KCNH5: variants seen among roughly 807,000 people sequenced by gnomAD.
KCNH5 encodes voltage-gated delayed rectifier potassium channel KCNH5.
KCNH5 carries 46 observed loss-of-function variants against 96.1 expected under a neutral mutation model. That is an observed-to-expected ratio of 0.48 (90% CI 0.38 to 0.61). The LOEUF is 0.61. Among genes scored for constraint, KCNH5 ranks in the 20% least tolerant of loss-of-function variants. The probability of loss-of-function intolerance (pLI) is 0.00; values close to 1 mark genes in which losing one functional copy is unlikely to be tolerated. For missense variants in KCNH5, 907 were observed against 1,225.8 expected (o/e 0.74, Z 3.88); for synonymous variants, 439 against 449.8 (o/e 0.98, Z 0.30).
chr14:63,043,609 C>T (rs751458797), intron 1 of KCNH5, among the ~76,000 whole-genome samples: 3 of 152,076 alleles, frequency 2.0e-5, no homozygotes, highest in East Asian at 1.9e-4. Context: ...CTATTTTTTC[C>T]GACCCAAATA....
intron 7 of KCNH5, among the ~76,000 whole-genome samples, chr14:62,854,346 A>T (rs1158530798): frequency 6.6e-6 from 1 of 152,144 alleles, no homozygotes; most frequent in Non-Finnish European, 1.5e-5. Flanking sequence ...AAAAACTAAA[A>T]AACAGTTTTT....
chr14:62,837,788 G>C (rs558717486), intron 8 of KCNH5, among the ~76,000 whole-genome samples: 1 of 152,256 alleles, frequency 6.6e-6, no homozygotes, highest in South Asian at 2.1e-4. Flanking sequence ...TTATGTGACA[G>C]TTGATTTTAC....
chr14:62,834,974 C>A (rs1566676242), intron 8 of KCNH5, among the ~76,000 whole-genome samples: 1 of 151,880 alleles, frequency 6.6e-6, no homozygotes, highest in Admixed American at 6.6e-5. Flanking sequence ...TTTCTGATCC[C>A]TCATCTTAAC....
At chr14:63,030,584 G>A (rs78589741) in intron 1 of KCNH5, among the ~76,000 whole-genome samples, 1,754 of 152,218 alleles carry the variant, frequency 0.012, 25 homozygotes, top group African/African-American at 0.03. Flanking sequence ...AGATTGGAGG[G>A]GGCCACCTAG....
chr14:62,768,672 T>G (rs1191130719), intron 10 of KCNH5, among the ~76,000 whole-genome samples: 1 of 152,236 alleles, frequency 6.6e-6, no homozygotes, highest in Admixed American at 6.5e-5. Context: ...ATTAAAGGCT[T>G]ATTTATTTTC....
At chr14:62,823,204 G>C (rs982483209) in intron 8 of KCNH5, among the ~76,000 whole-genome samples, 10 of 152,138 alleles carry the variant, frequency 6.6e-5, no homozygotes, top group African/African-American at 1.9e-4. Flanking sequence ...CCTGTCCCTT[G>C]TTCCAACTTT....
At chr14:62,899,917 A>AT (rs1326586124) in intron 7 of KCNH5, among the ~76,000 whole-genome samples, 1 of 152,246 alleles carries the variant, frequency 6.6e-6, no homozygotes, top group Admixed American at 6.5e-5. Context: ...TAAGGCACAT[A>AT]TTTTTTCATA....
chr14:62,802,907 C>A (rs537490163), intron 8 of KCNH5, among the ~76,000 whole-genome samples: 1 of 152,194 alleles, frequency 6.6e-6, no homozygotes, highest in Non-Finnish European at 1.5e-5. Context: ...TTTGGGAGGC[C>A]AAGGCGGGTA....
At chr14:62,766,665 A>G (rs1885867615) in intron 10 of KCNH5, among the ~76,000 whole-genome samples, 1 of 152,164 alleles carries the variant, frequency 6.6e-6, no homozygotes, top group African/African-American at 2.4e-5. Context: ...GAGTAGAAGG[A>G]TGGTGAACAG....
intron 1 of KCNH5, among the ~76,000 whole-genome samples, chr14:63,043,724 G>A (rs1891869134): frequency 6.6e-6 from 1 of 152,122 alleles, no homozygotes; most frequent in African/African-American, 2.4e-5. Context: ...GATATTTGGG[G>A]AAAATACTTT....
At chr14:62,907,754 T>C (rs1043618209) in intron 7 of KCNH5, among the ~76,000 whole-genome samples, 2 of 152,162 alleles carry the variant, frequency 1.3e-5, no homozygotes, top group Non-Finnish European at 2.9e-5. Flanking sequence ...CAGGAAGCCG[T>C]TCTCAAGCTC....
chr14:63,036,937 C>A (rs374961667), intron 1 of KCNH5, among the ~76,000 whole-genome samples: 9 of 152,102 alleles, frequency 5.9e-5, no homozygotes, highest in East Asian at 3.9e-4. Context: ...GAGAAGAATG[C>A]GCACTCATAA....
At chr14:62,869,756 C>T (rs1204235978) in intron 7 of KCNH5, among the ~76,000 whole-genome samples, 1 of 152,100 alleles carries the variant, frequency 6.6e-6, no homozygotes, top group Non-Finnish European at 1.5e-5. Flanking sequence ...GATACATAGA[C>T]CAGCAGAACA....
At chr14:62,721,994 A>T (rs2139914613) in intron 10 of KCNH5, among the ~76,000 whole-genome samples, 1 of 152,352 alleles carries the variant, frequency 6.6e-6, no homozygotes, top group Middle Eastern at 3.4e-3. Flanking sequence ...AACCAATTTA[A>T]GTCAATGCCC....
intron 7 of KCNH5, among the ~76,000 whole-genome samples, chr14:62,872,913 G>A (rs1290870727): frequency 1.3e-5 from 2 of 152,166 alleles, no homozygotes; most frequent in Non-Finnish European, 2.9e-5. Flanking sequence ...CACTTTGGGA[G>A]GCCAAGGCTG....
At chr14:62,792,293 T>G (rs529504948) in intron 9 of KCNH5, among the ~76,000 whole-genome samples, 156 of 151,682 alleles carry the variant, frequency 1.0e-3, no homozygotes, top group African/African-American at 3.7e-3. Flanking sequence ...AATTCTTATC[T>G]ATTAAAAAAA....
intron 7 of KCNH5, among the ~76,000 whole-genome samples, chr14:62,928,939 C>T (rs1889527558): frequency 6.6e-6 from 1 of 151,994 alleles, no homozygotes. Context: ...TAAATATCAG[C>T]TCCGTATCAA....
intron 10 of KCNH5, among the ~76,000 whole-genome samples, chr14:62,759,740 C>T (rs1378681842): frequency 1.3e-5 from 2 of 152,030 alleles, no homozygotes; most frequent in Non-Finnish European, 2.9e-5. Flanking sequence ...TAAAAGAGCC[C>T]TTTAAGGGAG....
intron 1 of KCNH5, among the ~76,000 whole-genome samples, chr14:63,038,536 A>G (rs1486040635): frequency 6.6e-6 from 1 of 152,162 alleles, no homozygotes; most frequent in East Asian, 1.9e-4. Context: ...AAAATTTCCA[A>G]TAGCTTTCTA....
Sources: gnomAD v4.1 joint callset for allele counts (sites outside exome capture counted in the v4.1 genomes callset) on GRCh38, gnomAD v4.1.1 for gene constraint, MANE v1.5 for transcripts, NCBI Gene and HGNC (gene_info 2026-07-23, HGNC 2026-07-21) for gene names.